The following SH3PXD2B variants were observed in gnomAD, a reference collection of about 807,000 sequenced individuals.
SH3PXD2B encodes SH3 and PX domain-containing protein 2B.
SH3PXD2B carries 37 observed loss-of-function variants against 73.1 expected under a neutral mutation model. The ratio of observed to expected loss-of-function variants is 0.51; its 90% CI spans 0.39 to 0.67. The LOEUF (loss-of-function observed/expected upper bound fraction) is 0.67. SH3PXD2B is among the 30% of genes least tolerant of loss of function. The probability of loss-of-function intolerance (pLI) is 0.00; values close to 1 mark genes in which losing one functional copy is unlikely to be tolerated. For synonymous variants in SH3PXD2B, 457 were observed against 480.5 expected (o/e 0.95, Z 0.64); for missense variants, 1,053 against 1,197.8 (o/e 0.88, Z 1.78).
intron 8 of SH3PXD2B, among the ~76,000 whole-genome samples, chr5:172,355,565 G>T (rs1166630602): frequency 6.8e-6 from 1 of 147,690 alleles, no homozygotes; most frequent in African/African-American, 2.5e-5. Context: ...TTTTTTTTTA[G>T]ACGGATTCTC....
intron 2 of SH3PXD2B, among the ~76,000 whole-genome samples, chr5:172,418,088 G>A (rs1043184011): frequency 9.9e-5 from 15 of 152,196 alleles, no homozygotes; most frequent in African/African-American, 3.6e-4. Flanking sequence ...AAGCAGAGCA[G>A]CTAAAAGTGT....
intron 3 of SH3PXD2B, among the ~76,000 whole-genome samples, chr5:172,399,952 G>T (rs918739119): frequency 5.3e-5 from 8 of 152,148 alleles, no homozygotes; most frequent in Admixed American, 3.3e-4. Flanking sequence ...TGGAGCTACA[G>T]ATGACTGTTG....
intron 12 of SH3PXD2B, among the ~76,000 whole-genome samples, chr5:172,344,915 AAGG>A (rs1756955700): frequency 6.6e-6 from 1 of 151,836 alleles, no homozygotes; most frequent in Non-Finnish European, 1.5e-5. Flanking sequence ...AGGGAAAAGG[AAGG>A]AGGAGGATGG....
intron 1 of SH3PXD2B, among the ~76,000 whole-genome samples, chr5:172,426,956 A>G (rs984018459): frequency 1.3e-5 from 2 of 152,224 alleles, no homozygotes; most frequent in Non-Finnish European, 2.9e-5. Context: ...GTTACTTGCA[A>G]CCAGTGCAAT....
chr5:172,397,944 C>T (rs1036358157), intron 3 of SH3PXD2B, among the ~76,000 whole-genome samples: 34 of 152,168 alleles, frequency 2.2e-4, no homozygotes, highest in African/African-American at 6.5e-4. Context: ...TAGTGGCGGC[C>T]GCTGCCACGC....
chr5:172,384,783 A>G (rs1758022817), intron 4 of SH3PXD2B, among the ~76,000 whole-genome samples: 1 of 152,182 alleles, frequency 6.6e-6, no homozygotes, highest in Non-Finnish European at 1.5e-5. Context: ...TGCCAACCCT[A>G]CATTACTTTG....
In SH3PXD2B at chr5:172,453,542, C is replaced by A. The variant is rs555342339; in HGVS notation, c.75+736G>T. Among the ~76,000 whole-genome samples, 6 of 152,324 alleles carry A rather than the reference C, an allele frequency of 3.9e-5. No individual in the cohort carries two copies. The East Asian group carries it at 1.2e-3, about 29-fold the overall frequency. On this transcript the variant is annotated intron_variant, in intron 1 of 12. Transcript: ENST00000311601. The stretch of plus-strand genomic sequence containing the variant: ...GAAGCCCGAATGCAGCTCTATGTTC[C>A]AGGACCTGCAACCTCTGAGCCTCAG...
intron 5 of SH3PXD2B, among the ~76,000 whole-genome samples, chr5:172,381,651 T>C (rs113519573): frequency 9.9e-4 from 150 of 152,254 alleles, no homozygotes; most frequent in African/African-American, 3.2e-3. Flanking sequence ...CTTCGTTGGT[T>C]TGGGTTGCTC....
At chr5:172,349,441 C>T (rs1328180206) in intron 10 of SH3PXD2B, among the ~76,000 whole-genome samples, 4 of 152,166 alleles carry the variant, frequency 2.6e-5, no homozygotes, top group African/African-American at 9.7e-5. Context: ...CAGTAATGAA[C>T]TCTACTCTCA....
At chr5:172,333,352 C>T (rs1756602695), downstream of SH3PXD2B, 1 of 281,440 alleles carries the variant, frequency 3.6e-6, no homozygotes, top group Non-Finnish European at 6.1e-6. Flanking sequence ...AATGAAGGTG[C>T]ACTATGGCCC....
intron 3 of SH3PXD2B, among the ~76,000 whole-genome samples, chr5:172,400,417 A>G (rs1758399523): frequency 6.6e-6 from 1 of 152,202 alleles, no homozygotes; most frequent in Non-Finnish European, 1.5e-5. Flanking sequence ...GAGAACGAGA[A>G]TCATCATTCT....
At chr5:172,393,459 T>C (rs954036668) in intron 4 of SH3PXD2B, among the ~76,000 whole-genome samples, 5 of 152,186 alleles carry the variant, frequency 3.3e-5, no homozygotes, top group African/African-American at 1.2e-4. Flanking sequence ...GATGGATCTC[T>C]TATGATTTTC....
intron 4 of SH3PXD2B, among the ~76,000 whole-genome samples, chr5:172,388,700 G>C (rs114852238): frequency 0.011 from 1,684 of 152,372 alleles, 24 homozygotes; most frequent in African/African-American, 0.038. Context: ...GAGAAGTCAG[G>C]TGGGCTGGGC....
rs1466030432 is a variant in SH3PXD2B at position 172,353,982 on chromosome 5, G to C, written c.691C>G (p.Pro231Ala). 2 of 1,614,136 alleles carry C rather than the reference G, an allele frequency of 1.2e-6. No homozygotes were observed. Among genetic ancestry groups the C allele is most frequent in the Non-Finnish European group, 1.7e-6 (2 of 1,180,028 alleles). ...TCATCCTGGTCCCGAGCTGTGTACG[G>C]GTAGATGACTGTGTACTTCTCCTCT... is the stretch of plus-strand genomic sequence containing the variant. ...EEEEKYTVIY[P>A]YTARDQDEMN... The change falls in exon 9 of 13, where the codon CCG becomes GCG. Residue 231 changes from proline (P) to alanine (A), a missense_variant. Physicochemically the swap from Pro to Ala is conservative, Grantham distance 27. Transcript: ENST00000311601. This position sits in a 1 kb window ranked among gnomAD's most constrained non-coding sequence, Gnocchi z 4.3.
In SH3PXD2B at chr5:172,362,685, A is replaced by G. The variant is rs76897113; in HGVS notation, c.562+50T>C. On this transcript the variant is annotated intron_variant, in intron 7 of 12. Transcript: ENST00000311601. The stretch of plus-strand genomic sequence containing the variant: ...TGAGTTTCCAAATGTTTCATGTCCC[A>G]GGGGCTTGGTGGCAGGGTAGTGGGA... 28,665 of 1,613,460 alleles carry G rather than the reference A, an allele frequency of 0.018. 328 individuals carry two copies. The highest frequency in any genetic ancestry group is 0.03 in the South Asian group (2,708 of 91,050).
rs1282344988 is a variant in SH3PXD2B at position 172,346,264 on chromosome 5, G to A, written c.1063-3C>T. 1 of 1,613,502 alleles carries A rather than the reference G, an allele frequency of 6.2e-7. No individual in the cohort carries two copies. Among genetic ancestry groups the A allele is most frequent in the African/African-American group, 1.3e-5 (1 of 74,910 alleles). Reference sequence around the variant, plus strand: ...TTCGGCAGGTTGAGGCCTCGAGGCTGGTACGATCACACACAGGGTTATCTC... The same window carrying A: ...TTCGGCAGGTTGAGGCCTCGAGGCTAGTACGATCACACACAGGGTTATCTC... On this transcript the variant is annotated splice_polypyrimidine_tract_variant and splice_region_variant and intron_variant, in intron 11 of 12. Transcript: ENST00000311601.
chr5:172,391,210 T>C (rs757965978), intron 4 of SH3PXD2B, among the ~76,000 whole-genome samples: 1 of 152,128 alleles, frequency 6.6e-6, no homozygotes, highest in Non-Finnish European at 1.5e-5. Flanking sequence ...TCCTGTCTTG[T>C]TGATTATAAG....
Position 172,334,838 on chromosome 5 carries a change from T to TC in SH3PXD2B, c.*3530dup, listed in dbSNP as rs1174254716. On this transcript the variant is annotated 3_prime_UTR_variant, in exon 13 of 13. Coordinates refer to ENST00000311601, the MANE Select transcript of SH3PXD2B (RefSeq NM_001017995.3). ...ACTTGCTCTTTAACGTGGCATATGT[T>TC]CCCCCATCTTCCACCTGGTAATGAA... The TC allele has an allele frequency of 1.0e-6, 1 of 985,278 alleles. No individual in the cohort carries two copies. Among genetic ancestry groups the TC allele is most frequent in the East Asian group, 1.1e-4 (1 of 8,830 alleles). The allele number at this position is 985,278 out of a possible 1,614,324, so 61.0% of individuals were successfully genotyped here. A position where few individuals can be genotyped will look rare whatever the true frequency, so the allele number is the denominator to read the frequency against.
At chr5:172,446,396 G>C (rs374233009) in intron 1 of SH3PXD2B, among the ~76,000 whole-genome samples, 2 of 152,174 alleles carry the variant, frequency 1.3e-5, no homozygotes, top group African/African-American at 2.4e-5. Context: ...GGCTGCTCGG[G>C]GGGCAGTGGC....
Sources: gnomAD v4.1 joint callset for allele counts (sites outside exome capture counted in the v4.1 genomes callset) on GRCh38, gnomAD v4.1.1 for gene constraint, Gnocchi (gnomAD v3.1) non-coding constraint, MANE v1.5 for transcripts, NCBI Gene and HGNC (gene_info 2026-07-23, HGNC 2026-07-21) for gene names.